Variants in TAFA1 observed in about 807,000 individuals in gnomAD.
TAFA1 encodes the protein chemokine-like protein TAFA-1.
Under a neutral mutation model 18.5 loss-of-function variants are expected in TAFA1, and 4 were observed. The observed-to-expected ratio is 0.22, with a 90% CI of 0.11 to 0.49. The LOEUF is 0.49. TAFA1 is among the 20% of genes least tolerant of loss of function. The probability of loss-of-function intolerance (pLI) is 0.98; values close to 1 mark genes in which losing one functional copy is unlikely to be tolerated. For missense variants in TAFA1, 147 were observed against 169.0 expected (o/e 0.87, Z 0.72); for synonymous variants, 56 against 55.2 (o/e 1.01, Z -0.06).
Position 68,487,514 on chromosome 3 carries a change from G to A in TAFA1, c.260-51242G>A, listed in dbSNP as rs555009702. ...TGTAATCCTAGCACTTTGGGAGGCC[G>A]AGGCGGGCGGATCACAAGGTCAGGA... On this transcript the variant is annotated intron_variant, in intron 3 of 4. Coordinates refer to ENST00000478136, the MANE Select transcript of TAFA1 (RefSeq NM_213609.4). 1.8e-4 allele frequency among the ~76,000 whole-genome samples: 28 copies of A among 152,156 alleles called. No homozygotes were observed. The South Asian group carries it at 4.6e-3, about 25-fold the overall frequency.
At chr3:68,273,173 T>C (rs1255654772) in intron 2 of TAFA1, among the ~76,000 whole-genome samples, 1 of 152,060 alleles carries the variant, frequency 6.6e-6, no homozygotes, top group Non-Finnish European at 1.5e-5. Context: ...CTAAGGTGTA[T>C]GAGTAAAAGC....
At chr3:68,364,578 T>C (rs772243568) in intron 2 of TAFA1, among the ~76,000 whole-genome samples, 44 of 152,204 alleles carry the variant, frequency 2.9e-4, no homozygotes, top group Non-Finnish European at 5.3e-4. Context: ...TCTTATAAAC[T>C]TACAGACATC....
chr3:68,277,871 T>C (rs2067825194), intron 2 of TAFA1, among the ~76,000 whole-genome samples: 1 of 152,162 alleles, frequency 6.6e-6, no homozygotes. Context: ...ACTTTTCAGG[T>C]CAATACATTT....
chr3:68,137,114 CT>C (rs2065617004), intron 2 of TAFA1, among the ~76,000 whole-genome samples: 1 of 152,100 alleles, frequency 6.6e-6, no homozygotes, highest in South Asian at 2.1e-4. Flanking sequence ...AATAGGAGTA[CT>C]TTATGGGAAA....
chr3:68,126,265 C>T (rs1434701311), intron 2 of TAFA1, among the ~76,000 whole-genome samples: 1 of 152,216 alleles, frequency 6.6e-6, no homozygotes, highest in African/African-American at 2.4e-5. Context: ...CACCCGTAAG[C>T]ATTGGCAAAT....
chr3:68,318,532 G>A (rs1421197195), intron 2 of TAFA1, among the ~76,000 whole-genome samples: 1 of 152,170 alleles, frequency 6.6e-6, no homozygotes, highest in Non-Finnish European at 1.5e-5. Context: ...AGGTTGCACT[G>A]CAGTGCATTC....
intron 2 of TAFA1, among the ~76,000 whole-genome samples, chr3:68,334,198 T>C (rs1005486928): frequency 1.3e-5 from 2 of 152,178 alleles, no homozygotes; most frequent in Admixed American, 1.3e-4. Flanking sequence ...ATCAGCTTGA[T>C]TGTGGTAATG....
intron 2 of TAFA1, among the ~76,000 whole-genome samples, chr3:68,405,711 A>G (rs2070591061): frequency 8.9e-6 from 1 of 112,502 alleles, no homozygotes; most frequent in African/African-American, 3.6e-5. Flanking sequence ...AAAAAAAAAA[A>G]AAAAAAAAAA....
intron 2 of TAFA1, among the ~76,000 whole-genome samples, chr3:68,309,870 G>T (rs1413633504): frequency 6.6e-6 from 1 of 152,116 alleles, no homozygotes. Context: ...GTTAGTTCTA[G>T]CAGCTGCAGG....
chr3:68,271,548 G>A (rs1313277631), intron 2 of TAFA1, among the ~76,000 whole-genome samples: 1 of 152,112 alleles, frequency 6.6e-6, no homozygotes, highest in Non-Finnish European at 1.5e-5. Flanking sequence ...GAACCCAAAG[G>A]GAGTAAAATG....
chr3:68,484,645 C>T (rs1299345023), intron 3 of TAFA1, among the ~76,000 whole-genome samples: 1 of 152,100 alleles, frequency 6.6e-6, no homozygotes, highest in Non-Finnish European at 1.5e-5. Context: ...GTTCAAGATG[C>T]CTATTAAGCA....
chr3:68,339,715 A>G (rs1285126661), intron 2 of TAFA1, among the ~76,000 whole-genome samples: 2 of 152,202 alleles, frequency 1.3e-5, no homozygotes, highest in Admixed American at 1.3e-4. Flanking sequence ...TTGAGGAAAG[A>G]AAACATCACT....
intron 2 of TAFA1, among the ~76,000 whole-genome samples, chr3:68,257,867 G>A (rs1194650431): frequency 6.6e-6 from 1 of 152,078 alleles, no homozygotes; most frequent in East Asian, 1.9e-4. Flanking sequence ...AAGTTATCAT[G>A]TGCCCCCTGA....
At chr3:68,166,493 T>A (rs1053802223) in intron 2 of TAFA1, among the ~76,000 whole-genome samples, 1 of 152,182 alleles carries the variant, frequency 6.6e-6, no homozygotes, top group Admixed American at 6.5e-5. Flanking sequence ...TTTGCCATTT[T>A]GACACCCCTA....
At chr3:68,323,989 C>A (rs1045422950) in intron 2 of TAFA1, among the ~76,000 whole-genome samples, 2 of 152,144 alleles carry the variant, frequency 1.3e-5, no homozygotes, top group African/African-American at 4.8e-5. Flanking sequence ...TCTTCATTCT[C>A]CGTAAATACC....
At chr3:68,371,056 TTTC>T (rs940065054) in intron 2 of TAFA1, among the ~76,000 whole-genome samples, 3 of 152,128 alleles carry the variant, frequency 2.0e-5, no homozygotes, top group African/African-American at 7.2e-5. Flanking sequence ...ATACTCTATT[TTTC>T]TTATCTACTC....
At chr3:68,134,868 T>C (rs180697247) in intron 2 of TAFA1, among the ~76,000 whole-genome samples, 82 of 152,376 alleles carry the variant, frequency 5.4e-4, no homozygotes, top group Non-Finnish European at 9.7e-4. Flanking sequence ...CTGTTGAAAC[T>C]AGTTTTGGCT....
At chr3:68,462,634 C>T (rs892613064) in intron 3 of TAFA1, among the ~76,000 whole-genome samples, 1 of 152,098 alleles carries the variant, frequency 6.6e-6, no homozygotes, top group African/African-American at 2.4e-5. Flanking sequence ...AGTTCCTTTT[C>T]ATTACTTTAT....
intron 3 of TAFA1, among the ~76,000 whole-genome samples, chr3:68,418,137 A>G (rs1472052716): frequency 6.6e-6 from 1 of 152,114 alleles, no homozygotes; most frequent in Non-Finnish European, 1.5e-5. Context: ...ATGATAATAA[A>G]TATTTTCATG....
Sources: gnomAD v4.1 joint callset for allele counts (sites outside exome capture counted in the v4.1 genomes callset) on GRCh38, gnomAD v4.1.1 for gene constraint, MANE v1.5 for transcripts, NCBI Gene and HGNC (gene_info 2026-07-23, HGNC 2026-07-21) for gene names.